XPO5: variants seen among roughly 807,000 people sequenced by gnomAD.
XPO5 encodes exportin-5.
A neutral mutation model predicts 160.6 loss-of-function variants in XPO5; 46 were observed. That is an observed-to-expected ratio of 0.29 (90% CI 0.23 to 0.37). The LOEUF (loss-of-function observed/expected upper bound fraction) is 0.37, where lower values mean the gene tolerates loss of function less well. XPO5 is among the 10% of genes least tolerant of loss of function. The pLI is 1.00. For synonymous variants in XPO5, 537 were observed against 519.3 expected, an observed-to-expected ratio of 1.03 and a Z score of -0.46; for missense variants, 1,090 against 1,463.9, an observed-to-expected ratio of 0.74 and a Z score of 4.17.
Position 43,564,765 on chromosome 6 carries a change from G to A in XPO5, c.911+895C>T, listed in dbSNP as rs189640746. ...TACAAGTACACATACCACCACACCC[G>A]ACTAATTTCTGTATTTTTTTGTAGA... On this transcript the variant is annotated intron_variant, in intron 8 of 31. Transcript: ENST00000265351. Among the ~76,000 whole-genome samples the A allele has an allele frequency of 2.4e-3, 369 of 151,838 alleles. 2 individuals are homozygous for A. The highest frequency in any genetic ancestry group is 4.1e-3 in the Admixed American group (62 of 15,232).
rs751250425 is a variant in XPO5, at chr6:43,525,197, T to G, written c.3084A>C (p.Leu1028=). The G allele has an allele frequency of 1.9e-6, 3 of 1,578,834 alleles. No homozygotes were observed. Among genetic ancestry groups the G allele is most frequent in the Non-Finnish European group, 2.6e-6 (3 of 1,161,490 alleles). Residue 1028 remains leucine (L), a synonymous_variant, in exon 29 of 32, where the codon CTA becomes CTC. Transcript: ENST00000265351. ...LMKHEDVCTA[L]LITAFNSLAW... is the part of the protein sequence containing the mutation. Reference sequence around the variant, plus strand: ...CCAGGGAATTGAAGGCTGTAATTAATAGCGCTGTACAAACATCCTGAACAG... The same window carrying G: ...CCAGGGAATTGAAGGCTGTAATTAAGAGCGCTGTACAAACATCCTGAACAG...
At position 43,572,489 on chromosome 6, in the gene XPO5, A is replaced by T. The variant is rs1266337403; in HGVS notation, c.300+17T>A. On this transcript the variant is annotated intron_variant, in intron 3 of 31. Transcript: ENST00000265351. The stretch of plus-strand genomic sequence containing the variant: ...AAACTACCTTGGAAACATGTCTCCC[A>T]ACCACCCATTCCTTACATTTGCAAT... 1 of 1,613,474 alleles carries T rather than the reference A, an allele frequency of 6.2e-7. No homozygotes were observed. The highest frequency in any genetic ancestry group is 8.5e-7 in the Non-Finnish European group (1 of 1,179,620).
chr6:43,550,261 C>T (rs1353170638), intron 15 of XPO5, among the ~76,000 whole-genome samples: 1 of 152,186 alleles, frequency 6.6e-6, no homozygotes, highest in Non-Finnish European at 1.5e-5. Flanking sequence ...CCTTCTATTC[C>T]ATTTCATTAT....
At position 43,561,017 on chromosome 6, in the gene XPO5, A is replaced by G; in HGVS notation, c.1012-10T>C. ...CATCAGAATCTGCACCCTGTAGGAG[A>G]AGACCACTATATTAACGGTGTTGAT... On this transcript the variant is annotated splice_polypyrimidine_tract_variant and intron_variant, in intron 9 of 31. Transcript: ENST00000265351. 6.2e-7 allele frequency: 1 copy of G among 1,606,436 alleles called. No individual in the cohort carries two copies. Among genetic ancestry groups the G allele is most frequent in the South Asian group, 1.1e-5 (1 of 90,912 alleles).
chr6:43,524,618 C>T lies in XPO5; in HGVS notation c.3330G>A (p.Glu1110=). The T allele has an allele frequency of 6.2e-7, 1 of 1,613,960 alleles. No homozygotes were observed. Among genetic ancestry groups the T allele is most frequent in the Non-Finnish European group, 8.5e-7 (1 of 1,179,858 alleles). Residue 1110 remains glutamate, a synonymous_variant, in exon 31 of 32, where the codon GAG becomes GAA. Coordinates refer to ENST00000265351, the MANE Select transcript of XPO5 (RefSeq NM_020750.3). ...IYEALRPRYL[E]IRAVMEQIPE... ...GGATTTGCTCCATTACAGCTCTTATCTCCAGGTACCTGGGGCGCTGATATC... is the reference window on the plus strand; with the variant it reads ...GGATTTGCTCCATTACAGCTCTTATTTCCAGGTACCTGGGGCGCTGATATC...
intron 11 of XPO5, 34 bp downstream of exon 11, chr6:43,560,144 C>T: frequency 6.2e-7 from 1 of 1,604,772 alleles, no homozygotes; most frequent in Non-Finnish European, 8.5e-7. Context: ...GTGTATTCAC[C>T]TACATTCCAC....
intron 18 of XPO5, 69 bp downstream of exon 18, chr6:43,548,192 T>C: frequency 6.8e-7 from 1 of 1,461,024 alleles, no homozygotes; most frequent in Non-Finnish European, 9.2e-7. Flanking sequence ...TACCCCACCC[T>C]GGGCCTAGCT....
Position 43,523,671 on chromosome 6 carries a change from C to T in XPO5, c.*197G>A. 1.1e-6 allele frequency: 1 copy of T among 883,056 alleles called. No individual in the cohort carries two copies. Among genetic ancestry groups the T allele is most frequent in the East Asian group, 2.4e-5 (1 of 40,856 alleles). 54.7% of individuals were successfully genotyped at this position (883,056 alleles called of 1,614,324 possible). A position where few individuals can be genotyped will look rare whatever the true frequency, so the allele number is the denominator to read the frequency against. On this transcript the variant is annotated 3_prime_UTR_variant, in exon 32 of 32. Transcript: ENST00000265351. ...CTAGACAGAATAGTTTAAGCCCTAA[C>T]TCCCTTTCTTGATACTTTAGTATAA...
At position 43,570,841 on chromosome 6, in the gene XPO5, T is replaced by G. The variant is rs2275118; in HGVS notation, c.438+16A>C. 3 of 1,599,550 alleles carry G rather than the reference T, an allele frequency of 1.9e-6. No individual in the cohort carries two copies. The Admixed American group carries it at 5.3e-5, about 28-fold the overall frequency. ...CAAGGAAAAGTATACCAAACTGATA[T>G]AGCTGTGTTTCATACCCCTTGTTTG... On this transcript the variant is annotated intron_variant, in intron 4 of 31. Coordinates refer to ENST00000265351, the MANE Select transcript of XPO5 (RefSeq NM_020750.3).
In XPO5 at chr6:43,570,931, C is replaced by G; in HGVS notation, c.364G>C (p.Glu122Gln). ...TGTGGCCACTCTCGCTTGATCATTT[C>G]CACTACAATTCGAGACAGAGCATCT... Reference protein sequence around the residue: ...IKDALSRIVVEMIKREWPQHW... With the variant: ...IKDALSRIVVQMIKREWPQHW... The change falls in exon 4 of 32, where the codon GAA (glutamate) becomes CAA (glutamine). Residue 122 changes from glutamate (E) to glutamine (Q), a missense_variant. Transcript: ENST00000265351. 6.2e-7 allele frequency: 1 copy of G among 1,613,794 alleles called. No homozygotes were observed. The highest frequency in any genetic ancestry group is 8.5e-7 in the Non-Finnish European group (1 of 1,179,840).
chr6:43,572,616 T>C, intron 2 of XPO5, 38 bp from the exon 3 acceptor site: 1 of 1,593,934 alleles, frequency 6.3e-7, no homozygotes, highest in South Asian at 1.1e-5. Flanking sequence ...AGAACCACTT[T>C]AGAAGTCTTG....
At chr6:43,535,367 A>G (rs1794251340) in intron 20 of XPO5, among the ~76,000 whole-genome samples, 1 of 151,986 alleles carries the variant, frequency 6.6e-6, no homozygotes, top group South Asian at 2.1e-4. Flanking sequence ...AGGTGGGTGG[A>G]TCATCTGAGG....
chr6:43,568,605 A>T, intron 6 of XPO5, 106 bp downstream of exon 6: 1 of 1,078,702 alleles, frequency 9.3e-7, no homozygotes, highest in Admixed American at 2.7e-5. Context: ...CCTGTCTCCA[A>T]AACAATACAA....
At chr6:43,560,868 G>T in intron 10 of XPO5, 56 bp downstream of exon 10, 2 of 1,356,046 alleles carry the variant, frequency 1.5e-6, no homozygotes, top group Non-Finnish European at 2.1e-6. Context: ...AGGACACAGT[G>T]CTTGACATTG....
Position 43,539,000 on chromosome 6 carries a change from T to G in XPO5, c.2343-4993A>C, listed in dbSNP as rs1049652082. On this transcript the variant is annotated intron_variant, in intron 20 of 31. Coordinates refer to ENST00000265351, the MANE Select transcript of XPO5 (RefSeq NM_020750.3). The stretch of plus-strand genomic sequence containing the variant: ...GGCATCAAAGGTGGCCTTGGCGAAG[T>G]TGCCCAGGGTGGCAGTGCAGCCCTG... 2.6e-6 allele frequency: 4 copies of G among 1,522,088 alleles called. No homozygotes were observed. In the Admixed American group the frequency reaches 5.0e-5, roughly 19 times the overall value. 94.3% of individuals were successfully genotyped at this position (1,522,088 alleles called of 1,614,324 possible). A position where few individuals can be genotyped will look rare whatever the true frequency, so the allele number is the denominator to read the frequency against.
chr6:43,523,285 C>A lies in XPO5; in HGVS notation c.*583G>T. 1 of 229,500 alleles carries A rather than the reference C, an allele frequency of 4.4e-6. No individual in the cohort carries two copies. Among genetic ancestry groups the A allele is most frequent in the Non-Finnish European group, 8.7e-6 (1 of 114,628 alleles). The allele number at this position is 229,500 out of a possible 1,614,324, so 14.2% of individuals were successfully genotyped here. A position where few individuals can be genotyped will look rare whatever the true frequency, so the allele number is the denominator to read the frequency against. On this transcript the variant is annotated 3_prime_UTR_variant, in exon 32 of 32. Coordinates refer to ENST00000265351, the MANE Select transcript of XPO5 (RefSeq NM_020750.3). Reference sequence around the variant, plus strand: ...CAGTAGCCTGTACCATGGATCCCATCAGGTGACCAGATTCTTGCCCAAAGC... The same window carrying A: ...CAGTAGCCTGTACCATGGATCCCATAAGGTGACCAGATTCTTGCCCAAAGC...
chr6:43,535,584 G>A (rs1466138580), intron 20 of XPO5, among the ~76,000 whole-genome samples: 1 of 152,124 alleles, frequency 6.6e-6, no homozygotes, highest in Non-Finnish European at 1.5e-5. Context: ...GCCGGGCGCG[G>A]TGGATCACGA....
chr6:43,575,541 G>C (rs112719832), intron 1 of XPO5, among the ~76,000 whole-genome samples: 1 of 152,202 alleles, frequency 6.6e-6, no homozygotes, highest in Non-Finnish European at 1.5e-5. Flanking sequence ...AAGCAGCATA[G>C]GGACCGGAGT....
rs372953214 is a variant in XPO5 at position 43,531,508 on chromosome 6, C to T, written c.2511G>A (p.Gln837=). The part of the protein sequence containing the change: ...PVFKTVLERM[Q]RFFSTLYENC... The stretch of plus-strand genomic sequence containing the variant: ...TTTCATAGAGGGTAGAGAAGAAACG[C>T]TGCATTCTTTCCAAGACGGTTTTGA... Residue 837 remains glutamine, a synonymous_variant, in exon 22 of 32, where the codon CAG becomes CAA. Transcript: ENST00000265351. 1.9e-6 allele frequency: 3 copies of T among 1,613,844 alleles called. No homozygotes were observed. Among genetic ancestry groups the T allele is most frequent in the Non-Finnish European group, 1.7e-6 (2 of 1,179,864 alleles).
Sources: allele counts gnomAD v4.1 joint callset (sites outside exome capture counted in the v4.1 genomes callset), GRCh38; gene constraint gnomAD v4.1.1; transcripts MANE v1.5; gene names NCBI Gene and HGNC (gene_info 2026-07-23, HGNC 2026-07-21).